DTX1: variants seen among roughly 807,000 people sequenced by gnomAD.
DTX1 encodes the protein deltex E3 ubiquitin ligase 1.
Under a neutral mutation model 57.8 loss-of-function variants are expected in DTX1, and 26 were observed. The ratio of observed to expected loss-of-function variants is 0.45; its 90% confidence interval spans 0.33 to 0.62. The LOEUF (loss-of-function observed/expected upper bound fraction) is 0.62. Ranked by LOEUF, DTX1 falls within the 20% of genes least tolerant of loss-of-function variation. DTX1 has a pLI of 0.02. For synonymous variants in DTX1, 398 were observed against 394.1 expected (o/e 1.01, Z -0.12); for missense variants, 704 against 895.3 (o/e 0.79, Z 2.73).
intron 2 of DTX1, among the ~76,000 whole-genome samples, chr12:113,072,596 T>C (rs1285822455): frequency 6.6e-6 from 1 of 151,998 alleles, no homozygotes; most frequent in Non-Finnish European, 1.5e-5. Flanking sequence ...GTTTCCCCAG[T>C]AATTCTTTGG....
At chr12:113,094,004 G>A in intron 5 of DTX1, 34 bp from the exon 6 acceptor site, 1 of 1,562,702 alleles carries the variant, frequency 6.4e-7, no homozygotes, top group South Asian at 1.2e-5. Flanking sequence ...CAGACTCTGG[G>A]TACCCTCAAA....
rs377325234 is a variant in DTX1, at chr12:113,070,270, G to C, written c.260-7154G>C. Among the ~76,000 whole-genome samples, 5 of 152,352 alleles carry C rather than the reference G, an allele frequency of 3.3e-5. No individual in the cohort carries two copies. In the East Asian group the frequency reaches 7.7e-4, roughly 24 times the overall value. The stretch of plus-strand genomic sequence containing the variant: ...TATTATGACTTCTGGGTTGGTGAAG[G>C]ATTCAGTGAAGTCTCTGACTGGGGC... On this transcript the variant is annotated intron_variant, in intron 2 of 9. Coordinates refer to ENST00000548759, the MANE Select transcript of DTX1 (RefSeq NM_004416.3).
chr12:113,095,486 G>C, intron 9 of DTX1, 72 bp downstream of exon 9: 1 of 1,588,150 alleles, frequency 6.3e-7, no homozygotes, highest in Non-Finnish European at 8.6e-7. Flanking sequence ...GCCTGGGCCT[G>C]TGGTCCCCAT....
intron 1 of DTX1, among the ~76,000 whole-genome samples, chr12:113,057,176 C>T (rs1592838409): frequency 1.3e-5 from 2 of 152,094 alleles, no homozygotes; most frequent in East Asian, 2.0e-4. Context: ...CACCCGGCAT[C>T]CCCCCGGCAG....
At chr12:113,076,590 C>A (rs2044773682) in intron 2 of DTX1, among the ~76,000 whole-genome samples, 2 of 151,882 alleles carry the variant, frequency 1.3e-5, no homozygotes, top group African/African-American at 4.8e-5. Context: ...CATAGGGAGA[C>A]CCCTGTCTCT....
At chr12:113,060,266 G>A (rs2044656280) in intron 2 of DTX1, among the ~76,000 whole-genome samples, 1 of 152,176 alleles carries the variant, frequency 6.6e-6, no homozygotes, top group African/African-American at 2.4e-5. Flanking sequence ...GCTAAGCACT[G>A]GAGTACAGCA....
Position 113,077,456 on chromosome 12 carries a change from G to C in DTX1, c.292G>C (p.Asp98His). ...GCGGCCCGTGCGGCGCAACTTCTAC[G>C]ACCCGTCGTCGGCGCCGGGCAAGGG... is the stretch of plus-strand genomic sequence containing the variant. ...TMRPVRRNFY[D>H]PSSAPGKGIV... Residue 98 changes from aspartate (D) to histidine (H), a missense_variant, in exon 3 of 10, where the codon GAC becomes CAC. Transcript: ENST00000548759. The surrounding 1 kb of genome is among the most constrained non-coding windows in gnomAD (Gnocchi z 7.8). 1 of 1,611,072 alleles carries C rather than the reference G, an allele frequency of 6.2e-7. No homozygotes were observed. Among genetic ancestry groups the C allele is most frequent in the Non-Finnish European group, 8.5e-7 (1 of 1,179,686 alleles).
At chr12:113,065,824 G>C (rs1017580988) in intron 2 of DTX1, among the ~76,000 whole-genome samples, 7 of 151,830 alleles carry the variant, frequency 4.6e-5, no homozygotes, top group African/African-American at 1.7e-4. Context: ...CCAAGGGGTT[G>C]GGGCAGGACT....
intron 3 of DTX1, among the ~76,000 whole-genome samples, chr12:113,085,053 CTTTT>C (rs139788602): frequency 7.0e-6 from 1 of 142,756 alleles, no homozygotes; most frequent in Non-Finnish European, 1.5e-5. Flanking sequence ...GGCCCGTACC[CTTTT>C]TTTTTTTTTT....
chr12:113,080,362 A>C (rs1265315953), intron 3 of DTX1, among the ~76,000 whole-genome samples: 1 of 152,134 alleles, frequency 6.6e-6, no homozygotes, highest in Non-Finnish European at 1.5e-5. Flanking sequence ...GCCTTACAAA[A>C]AGAGGGGCTG....
In DTX1 at chr12:113,078,054, C is replaced by T. The variant is rs1175087618; in HGVS notation, c.890C>T (p.Pro297Leu). The T allele has an allele frequency of 1.5e-6, 2 of 1,377,974 alleles. No homozygotes were observed. The highest frequency in any genetic ancestry group is 1.9e-6 in the Non-Finnish European group (2 of 1,064,192). 85.4% of individuals were successfully genotyped at this position (1,377,974 alleles called of 1,614,324 possible). A position where few individuals can be genotyped will look rare whatever the true frequency, so the allele number is the denominator to read the frequency against. ...CCGGGGCAGAACAACCTCAACCGGCCCGGGCCCCAGCGCACCACCAGCGTG... is the reference window on the plus strand; with the variant it reads ...CCGGGGCAGAACAACCTCAACCGGCTCGGGCCCCAGCGCACCACCAGCGTG... ...RTPGQNNLNR[P>L]GPQRTTSVSA... The change falls in exon 3 of 10, where the codon CCC becomes CTC. Residue 297 changes from proline to leucine, a missense_variant. Coordinates refer to ENST00000548759, the MANE Select transcript of DTX1 (RefSeq NM_004416.3).
Position 113,094,790 on chromosome 12 carries a change from A to G in DTX1, c.1229A>G (p.Asp410Gly). The G allele has an allele frequency of 6.2e-7, 1 of 1,613,322 alleles. No individual in the cohort carries two copies. Among genetic ancestry groups the G allele is most frequent in the Non-Finnish European group, 8.5e-7 (1 of 1,179,684 alleles). Residue 410 changes from aspartate (D) to glycine (G), a missense_variant and splice_region_variant, in exon 7 of 10, where the codon GAC (aspartate) becomes GGC (glycine). Asp to Gly is a moderately conservative substitution (Grantham distance 94). Coordinates refer to ENST00000548759, the MANE Select transcript of DTX1 (RefSeq NM_004416.3). Reference sequence around the variant, plus strand: ...AGTCTCCCCTGCTGCCACCTGCAGGACTGCACCATCTGCATGGAGCGACTG... The same window carrying G: ...AGTCTCCCCTGCTGCCACCTGCAGGGCTGCACCATCTGCATGGAGCGACTG... ...MQKVKNPPDEDCTICMERLVT... is the reference protein window; with the variant it reads ...MQKVKNPPDEGCTICMERLVT...
At position 113,077,320 on chromosome 12, in the gene DTX1, G is replaced by T; in HGVS notation, c.260-104G>T. On this transcript the variant is annotated intron_variant, in intron 2 of 9. Transcript: ENST00000548759. This position sits in a 1 kb window ranked among gnomAD's most constrained non-coding sequence, Gnocchi z 7.8. ...GGTGGACCCCCTGGAGGCCTGTGCT[G>T]ACCCCCCAACCTCCCGCCCACCCTT... The T allele has an allele frequency of 7.5e-7, 1 of 1,325,794 alleles. No individual in the cohort carries two copies. The highest frequency in any genetic ancestry group is 2.5e-5 in the East Asian group (1 of 39,954). The allele number at this position is 1,325,794 out of a possible 1,614,324, so 82.1% of individuals were successfully genotyped here.
chr12:113,062,345 A>G (rs986928384), intron 2 of DTX1, among the ~76,000 whole-genome samples: 3 of 152,240 alleles, frequency 2.0e-5, no homozygotes, highest in Non-Finnish European at 1.5e-5. Context: ...CAGCATAGAC[A>G]ATATGTAAGT....
At position 113,077,030 on chromosome 12, in the gene DTX1, G is replaced by A. The variant is rs2044777174; in HGVS notation, c.260-394G>A. On this transcript the variant is annotated intron_variant, in intron 2 of 9. Coordinates refer to ENST00000548759, the MANE Select transcript of DTX1 (RefSeq NM_004416.3). The surrounding 1 kb of genome is among the most constrained non-coding windows in gnomAD (Gnocchi z 7.8). Reference sequence around the variant, plus strand: ...TGGCCCTGGAGAGGTGGAGGGTGGGGGAGCCCTCCACACCTTGCTGGTTTC... The same window carrying A: ...TGGCCCTGGAGAGGTGGAGGGTGGGAGAGCCCTCCACACCTTGCTGGTTTC... Among the ~76,000 whole-genome samples the A allele has an allele frequency of 6.6e-6, 1 of 151,940 alleles. No homozygotes were observed. Among genetic ancestry groups the A allele is most frequent in the Non-Finnish European group, 1.5e-5 (1 of 67,954 alleles).
chr12:113,060,609 C>A (rs1454908360), intron 2 of DTX1, among the ~76,000 whole-genome samples: 1 of 152,180 alleles, frequency 6.6e-6, no homozygotes, highest in African/African-American at 2.4e-5. Flanking sequence ...TGCAAGATGG[C>A]AGCTGAGCAA....
At chr12:113,083,796 G>A (rs2044835534) in intron 3 of DTX1, among the ~76,000 whole-genome samples, 1 of 151,606 alleles carries the variant, frequency 6.6e-6, no homozygotes, top group South Asian at 2.1e-4. Context: ...TCCTTCCCTG[G>A]CTTCCTTCTG....
At chr12:113,096,642 G>GGGAGGC in intron 9 of DTX1, 73 bp from the exon 10 acceptor site, 2 of 1,426,040 alleles carry the variant, frequency 1.4e-6, no homozygotes, top group Non-Finnish European at 9.5e-7. Context: ...AGGGGAGGGA[G>GGGAGGC]GGAGGCTGAG....
chr12:113,085,195 G>A (rs563997895), intron 3 of DTX1, among the ~76,000 whole-genome samples: 6 of 152,130 alleles, frequency 3.9e-5, no homozygotes, highest in African/African-American at 9.6e-5. Flanking sequence ...GACTACAGGC[G>A]CACGCCACCA....
Sources: allele counts gnomAD v4.1 joint callset (sites outside exome capture counted in the v4.1 genomes callset), GRCh38; gene constraint gnomAD v4.1.1; non-coding constraint Gnocchi (gnomAD v3.1); transcripts MANE v1.5; gene names NCBI Gene and HGNC (gene_info 2026-07-23, HGNC 2026-07-21).